Variants in SFMBT2 observed in about 807,000 individuals in gnomAD.
SFMBT2 encodes the protein Scm like with four mbt domains 2.
In SFMBT2, 38 loss-of-function variants were observed where a neutral mutation model predicts 110.1. The observed-to-expected ratio is 0.35, with a 90% confidence interval of 0.27 to 0.45. SFMBT2 has a LOEUF of 0.45. Among genes scored for constraint, SFMBT2 ranks in the 20% least tolerant of loss-of-function variants. The probability of loss-of-function intolerance (pLI) is 1.00; values close to 1 mark genes in which losing one functional copy is unlikely to be tolerated. For synonymous variants in SFMBT2, 425 were observed against 425.4 expected (o/e 1.00, Z 0.01); for missense variants, 1,011 against 1,094.9 (o/e 0.92, Z 1.08).
At chr10:7,329,268 C>T (rs944607371) in intron 4 of SFMBT2, among the ~76,000 whole-genome samples, 11 of 152,188 alleles carry the variant, frequency 7.2e-5, no homozygotes, top group African/African-American at 2.4e-4. Flanking sequence ...TCAATGACGC[C>T]TGGCGTGTGT....
At chr10:7,385,812 A>T (rs956486259) in intron 1 of SFMBT2, among the ~76,000 whole-genome samples, 9 of 152,106 alleles carry the variant, frequency 5.9e-5, no homozygotes, top group African/African-American at 1.9e-4. Context: ...ATCCTGGCTA[A>T]CACGGTGAAA....
At chr10:7,381,616 T>C (rs1407886876) in intron 2 of SFMBT2, among the ~76,000 whole-genome samples, 183 bp downstream of exon 2, 1 of 152,160 alleles carries the variant, frequency 6.6e-6, no homozygotes, top group Non-Finnish European at 1.5e-5. Flanking sequence ...TGTCTAGTAT[T>C]CAAAATAAGA....
chr10:7,164,199 T>C (rs1160438156), intron 20 of SFMBT2: 5 of 847,502 alleles, frequency 5.9e-6, no homozygotes, highest in Non-Finnish European at 7.1e-6. Context: ...CAAGTCTGGG[T>C]AACACGGTGA....
At chr10:7,315,100 G>GA (rs1260687481) in intron 4 of SFMBT2, among the ~76,000 whole-genome samples, 80 of 144,824 alleles carry the variant, frequency 5.5e-4, no homozygotes, top group Middle Eastern at 3.5e-3. Context: ...AAGAAAGAAA[G>GA]AAAGAAAGAA....
Position 7,227,322 on chromosome 10 carries a change from C to T in SFMBT2, c.1203+533G>A, listed in dbSNP as rs578063957. Among the ~76,000 whole-genome samples, 13 of 152,310 alleles carry T rather than the reference C, an allele frequency of 8.5e-5. 1 individual carries two copies. The highest frequency in any genetic ancestry group is 3.1e-4 in the African/African-American group (13 of 41,560). Reference sequence around the variant, plus strand: ...TCTAACAGGGGAACAGATGGCCAGCCGTCCACCAAAACGTGTCCTCTTCAC... The same window carrying T: ...TCTAACAGGGGAACAGATGGCCAGCTGTCCACCAAAACGTGTCCTCTTCAC... On this transcript the variant is annotated intron_variant, in intron 10 of 20. Coordinates refer to ENST00000397167, the MANE Select transcript of SFMBT2 (RefSeq NM_001387889.1).
rs183326945 is a variant in SFMBT2 at position 7,304,543 on chromosome 10, G to C, written c.437-18589C>G. 5.0e-4 allele frequency among the ~76,000 whole-genome samples: 76 copies of C among 152,178 alleles called. 1 individual carries two copies. In the East Asian group the frequency reaches 0.012, roughly 25 times the overall value. The stretch of plus-strand genomic sequence containing the variant: ...CTTAACAAACGGGTTATGTTCCAAG[G>C]GACCTTTAACAAATCAGTGTCAGAA... On this transcript the variant is annotated intron_variant, in intron 4 of 20. Transcript: ENST00000397167.
chr10:7,171,930 C>T lies in SFMBT2; in HGVS notation c.2380G>A (p.Glu794Lys), dbSNP rs1227181201. The stretch of plus-strand genomic sequence containing the variant: ...TCGGGCTTGGTCGGCGGGCACTTCT[C>T]CCCTTCCTCTGCTGAGGAGGCAGCC... ...APAASSAEEG[E>K]KCPPTKPEGT... Residue 794 changes from glutamate (E) to lysine (K), a missense_variant, in exon 19 of 21, where the codon GAG becomes AAG. Physicochemically the swap from Glu to Lys is moderately conservative, Grantham distance 56. Coordinates refer to ENST00000397167, the MANE Select transcript of SFMBT2 (RefSeq NM_001387889.1). The surrounding 1 kb of genome is among the most constrained non-coding windows in gnomAD (Gnocchi z 4.9). 3 of 1,449,676 alleles carry T rather than the reference C, an allele frequency of 2.1e-6. No individual in the cohort carries two copies. The highest frequency in any genetic ancestry group is 5.4e-5 in the Admixed American group (2 of 37,132). 89.8% of individuals were successfully genotyped at this position (1,449,676 alleles called of 1,614,324 possible).
At chr10:7,324,793 C>G (rs1269637001) in intron 4 of SFMBT2, among the ~76,000 whole-genome samples, 2 of 152,134 alleles carry the variant, frequency 1.3e-5, no homozygotes, top group Non-Finnish European at 2.9e-5. Flanking sequence ...TGGCCGCCAT[C>G]TTGCTACGTG....
At chr10:7,194,038 T>A (rs1202161376) in intron 15 of SFMBT2, among the ~76,000 whole-genome samples, 1 of 152,144 alleles carries the variant, frequency 6.6e-6, no homozygotes, top group Non-Finnish European at 1.5e-5. Context: ...TGCCTGTGCC[T>A]AACAACTCCA....
chr10:7,203,131 T>G, intron 12 of SFMBT2: 1 of 981,864 alleles, frequency 1.0e-6, no homozygotes, highest in Non-Finnish European at 1.2e-6. Context: ...CTACTAACTT[T>G]GGCTCAGATA....
At chr10:7,219,147 G>A (rs1434294558) in intron 11 of SFMBT2, among the ~76,000 whole-genome samples, 4 of 152,110 alleles carry the variant, frequency 2.6e-5, no homozygotes, top group African/African-American at 9.7e-5. Flanking sequence ...AAATACAGAA[G>A]GAATCTTGCT....
At chr10:7,318,128 C>G (rs926391565) in intron 4 of SFMBT2, among the ~76,000 whole-genome samples, 1 of 152,256 alleles carries the variant, frequency 6.6e-6, no homozygotes, top group Admixed American at 6.5e-5. Flanking sequence ...CCATGAAATT[C>G]TGGCTAATGC....
rs566849046 is a variant in SFMBT2, at chr10:7,322,761, C to A, written c.437-36807G>T. On this transcript the variant is annotated intron_variant, in intron 4 of 20. Coordinates refer to ENST00000397167, the MANE Select transcript of SFMBT2 (RefSeq NM_001387889.1). ...AAAGACACAAAACCATACTAGCAAT[C>A]ACAGAAAATGGATGAAAACCACAGA... 2.0e-4 allele frequency among the ~76,000 whole-genome samples: 31 copies of A among 152,210 alleles called. No individual in the cohort carries two copies. In the South Asian group the frequency reaches 5.6e-3, roughly 28 times the overall value.
intron 11 of SFMBT2, among the ~76,000 whole-genome samples, chr10:7,212,818 T>G (rs1839394763): frequency 6.6e-6 from 1 of 152,184 alleles, no homozygotes; most frequent in Non-Finnish European, 1.5e-5. Flanking sequence ...TAGCAAAGAC[T>G]TGCAACCAAG....
At chr10:7,281,872 G>C (rs1458582835) in intron 6 of SFMBT2, among the ~76,000 whole-genome samples, 2 of 152,036 alleles carry the variant, frequency 1.3e-5, no homozygotes, top group East Asian at 3.9e-4. Context: ...TTTTCACAGA[G>C]TCTCACTCTG....
At chr10:7,376,516 G>A (rs1033851922) in intron 2 of SFMBT2, among the ~76,000 whole-genome samples, 5 of 151,388 alleles carry the variant, frequency 3.3e-5, no homozygotes, top group African/African-American at 2.4e-5. Context: ...TGGCTGACAT[G>A]GTGAAACTCC....
chr10:7,248,517 C>T (rs1400577309), intron 8 of SFMBT2, 31 bp downstream of exon 8: 2 of 1,575,094 alleles, frequency 1.3e-6, no homozygotes, highest in South Asian at 2.2e-5. Flanking sequence ...ACTCTAGGGG[C>T]TGGGTCGAAG....
intron 1 of SFMBT2, among the ~76,000 whole-genome samples, chr10:7,392,670 T>C (rs1160999547): frequency 1.3e-5 from 2 of 152,174 alleles, no homozygotes; most frequent in South Asian, 2.1e-4. Context: ...GCAAATATTT[T>C]TCCCAGTCTA....
intron 2 of SFMBT2, among the ~76,000 whole-genome samples, chr10:7,376,897 T>C (rs1055547897): frequency 3.0e-5 from 4 of 135,576 alleles, no homozygotes; most frequent in East Asian, 4.4e-4. Context: ...CCCGGCCGAG[T>C]GTGGTGGCTC....
Sources: allele counts gnomAD v4.1 joint callset (sites outside exome capture counted in the v4.1 genomes callset), GRCh38; gene constraint gnomAD v4.1.1; non-coding constraint Gnocchi (gnomAD v3.1); transcripts MANE v1.5; gene names NCBI Gene and HGNC (gene_info 2026-07-23, HGNC 2026-07-21).